The following TBC1D32 variants were observed in gnomAD, a reference collection of about 807,000 sequenced individuals.
The protein encoded by TBC1D32 is protein broad-minded.
TBC1D32 carries 151 observed loss-of-function variants against 170.3 expected under a neutral mutation model. The ratio of observed to expected loss-of-function variants is 0.89; its 90% CI spans 0.78 to 1.01. The LOEUF is 1.01. Among genes scored for constraint, TBC1D32 ranks in the 50% least tolerant of loss-of-function variants. The pLI is 0.00. For missense variants in TBC1D32, 1,464 were observed against 1,457.1 expected (o/e 1.00, Z -0.08); for synonymous variants, 498 against 488.0 (o/e 1.02, Z -0.27).
At chr6:121,255,871 A>G (rs1210986599) in intron 16 of TBC1D32, among the ~76,000 whole-genome samples, 1 of 152,150 alleles carries the variant, frequency 6.6e-6, no homozygotes, top group Non-Finnish European at 1.5e-5. Context: ...TGTAGTACCC[A>G]TTTAAGTCTT....
chr6:121,200,623 T>C (rs1397137469), intron 22 of TBC1D32, among the ~76,000 whole-genome samples: 3 of 151,408 alleles, frequency 2.0e-5, no homozygotes, highest in Admixed American at 2.0e-4. Context: ...TAGAAGAAAA[T>C]AATACTCCCT....
intron 20 of TBC1D32, among the ~76,000 whole-genome samples, chr6:121,234,549 G>C (rs1796113971): frequency 6.6e-6 from 1 of 151,862 alleles, no homozygotes; most frequent in African/African-American, 2.4e-5. Flanking sequence ...GTGTATCCTT[G>C]ATTTCCAGAA....
chr6:121,084,642 A>T (rs1204822664), intron 31 of TBC1D32, among the ~76,000 whole-genome samples: 1 of 152,156 alleles, frequency 6.6e-6, no homozygotes, highest in Non-Finnish European at 1.5e-5. Context: ...CAATACCTTG[A>T]AAAGTTATTT....
chr6:121,104,000 A>C (rs1359825142), intron 30 of TBC1D32, among the ~76,000 whole-genome samples: 1 of 151,918 alleles, frequency 6.6e-6, no homozygotes, highest in Non-Finnish European at 1.5e-5. Context: ...TTGGCCAAGG[A>C]AGAGTATTCC....
chr6:121,192,845 T>C (rs2128289243), intron 22 of TBC1D32, among the ~76,000 whole-genome samples: 1 of 150,352 alleles, frequency 6.7e-6, no homozygotes, highest in African/African-American at 2.5e-5. Flanking sequence ...TTTCCATCTT[T>C]GTCTGAGGAG....
intron 20 of TBC1D32, among the ~76,000 whole-genome samples, chr6:121,226,888 A>G (rs1258606766): frequency 1.3e-5 from 2 of 150,488 alleles, no homozygotes; most frequent in Admixed American, 1.3e-4. Flanking sequence ...CTTAATATGT[A>G]CAACTGTAAG....
intron 12 of TBC1D32, among the ~76,000 whole-genome samples, chr6:121,290,136 A>G (rs1804595924): frequency 6.6e-6 from 1 of 152,212 alleles, no homozygotes; most frequent in Non-Finnish European, 1.5e-5. Flanking sequence ...AACAAAAGAC[A>G]AAATTGACAA....
At position 121,115,247 on chromosome 6, in the gene TBC1D32, G is replaced by T; in HGVS notation, c.2984-6C>A. On this transcript the variant is annotated splice_region_variant and splice_polypyrimidine_tract_variant and intron_variant, in intron 26 of 31. Transcript: ENST00000398212. ...CTTCACATTTGCATCAGTAGCTAAAGACAACAGAAAACTGAGTTATAAAGT... is the reference window on the plus strand; with the variant it reads ...CTTCACATTTGCATCAGTAGCTAAATACAACAGAAAACTGAGTTATAAAGT... The T allele has an allele frequency of 1.3e-6, 2 of 1,588,012 alleles. No individual in the cohort carries two copies. Among genetic ancestry groups the T allele is most frequent in the Non-Finnish European group, 1.7e-6 (2 of 1,165,210 alleles).
chr6:121,328,601 T>C (rs955423378), intron 1 of TBC1D32, among the ~76,000 whole-genome samples: 30 of 152,182 alleles, frequency 2.0e-4, no homozygotes, highest in African/African-American at 6.0e-4. Context: ...TTTTAAGATA[T>C]AGTCTGTACA....
intron 15 of TBC1D32, among the ~76,000 whole-genome samples, chr6:121,266,343 T>C (rs1800478767): frequency 6.6e-6 from 1 of 152,102 alleles, no homozygotes; most frequent in African/African-American, 2.4e-5. Context: ...ATTAGAGAAA[T>C]GCAAATCAAA....
chr6:121,279,972 C>G (rs907080214), intron 14 of TBC1D32, among the ~76,000 whole-genome samples: 5 of 151,838 alleles, frequency 3.3e-5, no homozygotes, highest in Admixed American at 1.3e-4. Flanking sequence ...ATCTATAATA[C>G]ATTTGAAAAC....
intron 9 of TBC1D32, among the ~76,000 whole-genome samples, chr6:121,303,372 A>C (rs1035879232): frequency 6.6e-5 from 10 of 152,138 alleles, no homozygotes; most frequent in Non-Finnish European, 1.2e-4. Context: ...TTAAAATCCT[A>C]TTCTGGCTCT....
chr6:121,326,657 C>CA (rs1400335066), intron 1 of TBC1D32, among the ~76,000 whole-genome samples: 2 of 152,076 alleles, frequency 1.3e-5, no homozygotes, highest in African/African-American at 2.4e-5. Context: ...CCAGAAGACT[C>CA]ATTCAAAATG....
At chr6:121,113,249 G>C (rs1213872137) in intron 27 of TBC1D32, 72 bp from the exon 28 acceptor site, 1 of 955,022 alleles carries the variant, frequency 1.0e-6, no homozygotes, top group African/African-American at 1.7e-5. Context: ...ACTTCTTTTA[G>C]CATAACTATG....
intron 5 of TBC1D32, among the ~76,000 whole-genome samples, chr6:121,306,869 C>T (rs2128482600): frequency 1.3e-5 from 2 of 152,232 alleles, no homozygotes; most frequent in South Asian, 4.1e-4. Flanking sequence ...AAATTATTTT[C>T]TAAAATCTCA....
chr6:121,194,392 T>G (rs1790462413), intron 22 of TBC1D32, among the ~76,000 whole-genome samples: 1 of 152,218 alleles, frequency 6.6e-6, no homozygotes, highest in Admixed American at 6.5e-5. Flanking sequence ...ATCACATCCC[T>G]GCAGGGATTG....
intron 12 of TBC1D32, among the ~76,000 whole-genome samples, chr6:121,289,117 CA>C (rs1305766739): frequency 6.6e-6 from 1 of 152,184 alleles, no homozygotes; most frequent in Non-Finnish European, 1.5e-5. Context: ...CCTCTCTCAC[CA>C]CTCCTATTCA....
intron 31 of TBC1D32, among the ~76,000 whole-genome samples, chr6:121,082,171 G>A (rs1396545534): frequency 6.6e-6 from 1 of 151,956 alleles, no homozygotes; most frequent in Admixed American, 6.6e-5. Context: ...GAAGAGCCCT[G>A]CCCTAAAATG....
chr6:121,333,761 T>C (rs900671088), intron 1 of TBC1D32, among the ~76,000 whole-genome samples: 9 of 152,094 alleles, frequency 5.9e-5, no homozygotes, highest in Non-Finnish European at 1.3e-4. Context: ...ATGCTGGTTG[T>C]GGCAGTAAAA....
Sources: allele counts gnomAD v4.1 joint callset (sites outside exome capture counted in the v4.1 genomes callset), GRCh38; gene constraint gnomAD v4.1.1; transcripts MANE v1.5; gene names NCBI Gene and HGNC (gene_info 2026-07-23, HGNC 2026-07-21).